FZD6: variants seen among roughly 807,000 people sequenced by gnomAD.
The protein encoded by FZD6 is frizzled-6.
FZD6 carries 49 observed loss-of-function variants against 61.4 expected under a neutral mutation model. The observed-to-expected ratio is 0.80, with a 90% CI of 0.63 to 1.01. The LOEUF is 1.01. Among genes scored for constraint, FZD6 ranks in the 50% least tolerant of loss-of-function variants. FZD6 has a pLI of 0.00. For synonymous variants in FZD6, 265 were observed against 292.2 expected, an observed-to-expected ratio of 0.91 and a Z score of 0.95; for missense variants, 724 against 848.2, an observed-to-expected ratio of 0.85 and a Z score of 1.82.
chr8:103,303,301 T>C (rs1814224112), intron 2 of FZD6, among the ~76,000 whole-genome samples: 1 of 152,176 alleles, frequency 6.6e-6, no homozygotes, highest in African/African-American at 2.4e-5. Flanking sequence ...TGGTGAGCCG[T>C]CTGTCTACCT....
rs76055352 is a variant in FZD6, at chr8:103,318,958, A to C, written c.374+172A>C. ...CTGTGGACACAAAGGTGGGCAAAAA[A>C]CAGACTTGGTTCTTGCTCTCAGGGA... On this transcript the variant is annotated intron_variant, in intron 3 of 6. Transcript: ENST00000358755. 6.3e-3 allele frequency among the ~76,000 whole-genome samples: 960 copies of C among 152,352 alleles called. 8 individuals carry two copies. Among genetic ancestry groups the C allele is most frequent in the African/African-American group, 0.021 (892 of 41,578 alleles).
chr8:103,327,855 T>A (rs1814998207), intron 4 of FZD6, among the ~76,000 whole-genome samples: 1 of 152,072 alleles, frequency 6.6e-6, no homozygotes, highest in African/African-American at 2.4e-5. Context: ...TAAATATTAA[T>A]AACGTATAAA....
rs12164225 is a variant in FZD6 at position 103,327,476 on chromosome 8, G to A, written c.1393-792G>A. Among the ~76,000 whole-genome samples the A allele has an allele frequency of 1.8e-3, 280 of 152,250 alleles. 1 individual carries two copies. The highest frequency in any genetic ancestry group is 0.016 in the East Asian group (84 of 5,176). ...CCAGGCATGGTGGCGTACACTTGTA[G>A]TCCCAGCTACTTGGGAGGCTGAGGC... On this transcript the variant is annotated intron_variant, in intron 4 of 6. Transcript: ENST00000358755.
At position 103,329,920 on chromosome 8, in the gene FZD6, G is replaced by T; in HGVS notation, c.1807G>T (p.Asp603Tyr). Reference protein sequence around the residue: ...PETSMREVKADGASTPRLREQ... With the variant: ...PETSMREVKAYGASTPRLREQ... ...AACATCAATGAGAGAGGTGAAAGCG[G>T]ACGGAGCTAGCACCCCCAGGTTAAG... Residue 603 changes from aspartate to tyrosine, a missense_variant, in exon 6 of 7, where the codon GAC (aspartate) becomes TAC (tyrosine). Asp to Tyr is a radical substitution (Grantham distance 160). Transcript: ENST00000358755. 6.2e-7 allele frequency: 1 copy of T among 1,614,154 alleles called. No individual in the cohort carries two copies. Among genetic ancestry groups the T allele is most frequent in the South Asian group, 1.1e-5 (1 of 91,084 alleles).
At chr8:103,311,230 C>T (rs984359855) in intron 2 of FZD6, among the ~76,000 whole-genome samples, 2 of 152,186 alleles carry the variant, frequency 1.3e-5, no homozygotes, top group African/African-American at 4.8e-5. Context: ...GATCGCATTG[C>T]AGCTTCCTCA....
rs551767251 is a variant in FZD6, at chr8:103,299,392, G to A, written c.-153+397G>A. ...CAGATTTGCGCACTTTCCTTTCGAC[G>A]GCAGCACTACACCCTCCTAGCCAGT... On this transcript the variant is annotated intron_variant, in intron 1 of 6. Coordinates refer to ENST00000358755, the MANE Select transcript of FZD6 (RefSeq NM_003506.4). Among the ~76,000 whole-genome samples, 16 of 152,312 alleles carry A rather than the reference G, an allele frequency of 1.1e-4. No homozygotes were observed. In the South Asian group the frequency reaches 2.1e-3, roughly 20 times the overall value.
In FZD6 at chr8:103,329,801, G is replaced by GAGCT; in HGVS notation, c.1690_1693dup (p.Thr565SerfsTer14). On this transcript the variant is annotated frameshift_variant, in exon 6 of 7. Coordinates refer to ENST00000358755, the MANE Select transcript of FZD6 (RefSeq NM_003506.4). LOFTEE classifies it high-confidence loss of function. ...TCCAAATCCATGGGAACCAGCACAG[G>GAGCT]AGCTACAGCAAATCATGGCACTTCT... 2 of 1,614,170 alleles carry GAGCT rather than the reference G, an allele frequency of 1.2e-6. No individual in the cohort carries two copies. Among genetic ancestry groups the GAGCT allele is most frequent in the Non-Finnish European group, 1.7e-6 (2 of 1,180,012 alleles).
chr8:103,330,683 A>G (rs1178205216), intron 6 of FZD6, among the ~76,000 whole-genome samples: 3 of 152,152 alleles, frequency 2.0e-5, no homozygotes, highest in Non-Finnish European at 4.4e-5. Flanking sequence ...AACCTTCTCA[A>G]TGGGAGAGCT....
chr8:103,327,520 C>T (rs910120827), intron 4 of FZD6, among the ~76,000 whole-genome samples: 7 of 152,040 alleles, frequency 4.6e-5, no homozygotes, highest in Non-Finnish European at 7.4e-5. Context: ...TGCTTGAACG[C>T]GGGAGGCGGA....
intron 3 of FZD6, among the ~76,000 whole-genome samples, chr8:103,319,755 A>G (rs998767930): frequency 2.0e-5 from 3 of 152,226 alleles, no homozygotes; most frequent in Non-Finnish European, 4.4e-5. Context: ...AAGGCAGAGG[A>G]CATGTCAGGT....
chr8:103,328,196 A>G (rs1563694327), intron 4 of FZD6, 72 bp from the exon 5 acceptor site: 1 of 1,149,596 alleles, frequency 8.7e-7, no homozygotes, highest in Non-Finnish European at 1.3e-6. Context: ...TGTTCGTTTT[A>G]TATTGACAAT....
chr8:103,327,867 G>C (rs1814998800), intron 4 of FZD6, among the ~76,000 whole-genome samples: 1 of 151,950 alleles, frequency 6.6e-6, no homozygotes, highest in Admixed American at 6.6e-5. Flanking sequence ...ACGTATAAAA[G>C]CTGTAAAATA....
At chr8:103,330,460 A>G (rs773069506) in intron 6 of FZD6, among the ~76,000 whole-genome samples, 17 of 152,228 alleles carry the variant, frequency 1.1e-4, no homozygotes, top group Admixed American at 2.6e-4. Context: ...ATGAAAAGAT[A>G]TTGACATTAT....
In FZD6 at chr8:103,318,484, C is replaced by G. The variant is rs147487845; in HGVS notation, c.178-106C>G. The G allele has an allele frequency of 4.0e-5, 29 of 724,374 alleles. No individual in the cohort carries two copies. In the African/African-American group the frequency reaches 4.6e-4, roughly 11 times the overall value. The allele number at this position is 724,374 out of a possible 1,614,324, so 44.9% of individuals were successfully genotyped here. A position where few individuals can be genotyped will look rare whatever the true frequency, so the allele number is the denominator to read the frequency against. On this transcript the variant is annotated intron_variant, in intron 2 of 6. Transcript: ENST00000358755. ...TCTGATAGAGGGAGATTTAAAGATT[C>G]TTTTGCAGTATAAGTGAAAAAGCAT...
chr8:103,319,159 G>A (rs1052954174), intron 3 of FZD6, among the ~76,000 whole-genome samples: 4 of 152,180 alleles, frequency 2.6e-5, no homozygotes, highest in East Asian at 1.9e-4. Flanking sequence ...GCTAAAGTAC[G>A]AAGGGTAAGG....
chr8:103,308,204 ATTAT>A (rs1419002417), intron 2 of FZD6, among the ~76,000 whole-genome samples: 1 of 152,148 alleles, frequency 6.6e-6, no homozygotes, highest in African/African-American at 2.4e-5. Flanking sequence ...CACAGAGTAG[ATTAT>A]TTAGTCTACA....
intron 5 of FZD6, 115 bp from the exon 6 acceptor site, chr8:103,329,540 T>G: frequency 1.5e-6 from 1 of 682,026 alleles, no homozygotes; most frequent in South Asian, 1.9e-5. Context: ...ACCATAGAAT[T>G]TTCAACTTTA....
At position 103,332,649 on chromosome 8, in the gene FZD6, C is replaced by T. The variant is rs529794479; in HGVS notation, c.*1140C>T. ...ATTTTGTTTCCTATTAAGTATTATT[C>T]TTTGGGCAAGATTTTCTGATGCTTT... On this transcript the variant is annotated 3_prime_UTR_variant, in exon 7 of 7. Coordinates refer to ENST00000358755, the MANE Select transcript of FZD6 (RefSeq NM_003506.4). 1 of 152,584 alleles carries T rather than the reference C, an allele frequency of 6.6e-6. No individual in the cohort carries two copies. Among genetic ancestry groups the T allele is most frequent in the South Asian group, 2.1e-4 (1 of 4,826 alleles). 9.5% of individuals were successfully genotyped at this position (152,584 alleles called of 1,614,324 possible).
chr8:103,315,794 C>T (rs1006516987), intron 2 of FZD6, among the ~76,000 whole-genome samples: 2 of 152,108 alleles, frequency 1.3e-5, no homozygotes, highest in African/African-American at 2.4e-5. Flanking sequence ...AAAAGAAAAC[C>T]CTCAATACTA....
Sources: allele counts gnomAD v4.1 joint callset (sites outside exome capture counted in the v4.1 genomes callset), GRCh38; gene constraint gnomAD v4.1.1; transcripts MANE v1.5; gene names NCBI Gene and HGNC (gene_info 2026-07-23, HGNC 2026-07-21).